MYO18B: variants seen among roughly 807,000 people sequenced by gnomAD.
MYO18B encodes unconventional myosin-XVIIIb.
A neutral mutation model predicts 273.0 loss-of-function variants in MYO18B; 204 were observed. That is an observed-to-expected ratio of 0.75 (90% CI 0.67 to 0.84). The LOEUF is 0.84. Ranked by LOEUF, MYO18B falls within the 40% of genes least tolerant of loss-of-function variation. MYO18B has a pLI of 0.00. For synonymous variants in MYO18B, 1,330 were observed against 1,305.7 expected (o/e 1.02, Z -0.40); for missense variants, 3,212 against 3,287.6 (o/e 0.98, Z 0.56).
intron 8 of MYO18B, 85 bp downstream of exon 8, chr22:25,777,866 A>C: frequency 7.5e-7 from 1 of 1,335,082 alleles, no homozygotes; most frequent in East Asian, 2.4e-5. Context: ...TCTTATATTC[A>C]TTCAGCTAGC....
At chr22:25,800,868 T>C (rs948816983) in intron 12 of MYO18B, among the ~76,000 whole-genome samples, 8 of 152,236 alleles carry the variant, frequency 5.3e-5, no homozygotes, top group African/African-American at 1.9e-4. Context: ...AAGTCACTTT[T>C]ATAAATATTT....
the MYO18B span, among the ~76,000 whole-genome samples, chr22:26,058,870 G>T: frequency 3.9e-5 from 6 of 152,042 alleles, no homozygotes; most frequent in Admixed American, 3.9e-4. Flanking sequence ...TTATAATTAC[G>T]CAGCCTCAGG....
At chr22:25,971,039 G>C (rs1360958756) in intron 39 of MYO18B, among the ~76,000 whole-genome samples, 1 of 152,246 alleles carries the variant, frequency 6.6e-6, no homozygotes, top group East Asian at 1.9e-4. Context: ...AGTATTTTCT[G>C]TAGAGGGACA....
chr22:25,842,229 C>T (rs937315875), intron 17 of MYO18B, among the ~76,000 whole-genome samples: 1 of 152,206 alleles, frequency 6.6e-6, no homozygotes, highest in Non-Finnish European at 1.5e-5. Flanking sequence ...TCCTAGCTTA[C>T]TGGAGTTTAG....
At chr22:25,949,543 C>A (rs2092767357) in intron 36 of MYO18B, among the ~76,000 whole-genome samples, 1 of 152,206 alleles carries the variant, frequency 6.6e-6, no homozygotes, top group Admixed American at 6.5e-5. Flanking sequence ...GGGTAAAATA[C>A]CTGCCACGCT....
At chr22:25,843,416 A>T (rs909587549) in intron 17 of MYO18B, among the ~76,000 whole-genome samples, 7 of 152,220 alleles carry the variant, frequency 4.6e-5, no homozygotes, top group Non-Finnish European at 1.0e-4. Context: ...ATGTAAGTCG[A>T]TTTAAAGAAA....
intron 1 of MYO18B, among the ~76,000 whole-genome samples, chr22:25,744,185 A>G (rs1372240940): frequency 1.3e-5 from 2 of 152,206 alleles, no homozygotes; most frequent in East Asian, 1.9e-4. Flanking sequence ...TAACTATCGC[A>G]AAGATTTTAT....
chr22:25,806,373 C>T (rs2088478472), intron 12 of MYO18B, among the ~76,000 whole-genome samples: 1 of 152,154 alleles, frequency 6.6e-6, no homozygotes, highest in South Asian at 2.1e-4. Flanking sequence ...CAGTTTATTA[C>T]AGATTTGTCT....
intron 1 of MYO18B, among the ~76,000 whole-genome samples, chr22:25,755,444 G>A (rs962141751): frequency 1.3e-5 from 2 of 152,218 alleles, no homozygotes; most frequent in African/African-American, 4.8e-5. Context: ...GACCTCAGGT[G>A]ATCCGCCTGC....
chr22:26,060,723 T>C, the MYO18B span, among the ~76,000 whole-genome samples: 1 of 151,788 alleles, frequency 6.6e-6, no homozygotes, highest in African/African-American at 2.4e-5. Flanking sequence ...CACATACATA[T>C]ACACATGCAC....
At chr22:25,802,155 C>T (rs763908234) in intron 12 of MYO18B, among the ~76,000 whole-genome samples, 1 of 152,210 alleles carries the variant, frequency 6.6e-6, no homozygotes. Flanking sequence ...CTCATGACCC[C>T]CTTCTCTTGT....
intron 40 of MYO18B, among the ~76,000 whole-genome samples, chr22:25,995,969 G>A (rs1487750549): frequency 6.6e-6 from 1 of 152,150 alleles, no homozygotes; most frequent in African/African-American, 2.4e-5. Flanking sequence ...GGTGTGACAC[G>A]ACTACAGAAA....
rs552996345 is a variant in MYO18B, at chr22:25,784,034, T to C, written c.2313-1394T>C. On this transcript the variant is annotated intron_variant, in intron 10 of 43. Coordinates refer to ENST00000335473, the MANE Select transcript of MYO18B (RefSeq NM_032608.7). ...CATGCACTCATGTGGGAAACTCCTA[T>C]TCATCCTTCAAAACCCTACTCCAGA... Among the ~76,000 whole-genome samples the C allele has an allele frequency of 6.6e-5, 10 of 152,360 alleles. No homozygotes were observed. In the East Asian group the frequency reaches 1.7e-3, roughly 26 times the overall value.
chr22:25,967,566 C>T (rs1007289443), intron 39 of MYO18B, among the ~76,000 whole-genome samples: 1 of 152,058 alleles, frequency 6.6e-6, no homozygotes, highest in African/African-American at 2.4e-5. Context: ...ATCGACCAAG[C>T]AGTTGGGAAG....
intron 27 of MYO18B, among the ~76,000 whole-genome samples, chr22:25,893,992 C>T (rs2091734152): frequency 6.6e-6 from 1 of 152,164 alleles, no homozygotes; most frequent in African/African-American, 2.4e-5. Flanking sequence ...TCCATTAATC[C>T]TCCACCCTAT....
chr22:25,850,803 G>T (rs1409467644), intron 20 of MYO18B, among the ~76,000 whole-genome samples: 2 of 152,068 alleles, frequency 1.3e-5, no homozygotes, highest in Non-Finnish European at 2.9e-5. Flanking sequence ...CCTGTTCTAG[G>T]TCTTGTCTGT....
rs570183446 is a variant in MYO18B, at chr22:25,934,434, C to G, written c.5518-11703C>G. On this transcript the variant is annotated intron_variant, in intron 34 of 43. Transcript: ENST00000335473. ...GTGGTGCAGGATGATGGAAAGTCTACCTCCATGGCCAAGACTCTGTGAACC... is the reference window on the plus strand; with the variant it reads ...GTGGTGCAGGATGATGGAAAGTCTAGCTCCATGGCCAAGACTCTGTGAACC... 2.0e-5 allele frequency among the ~76,000 whole-genome samples: 3 copies of G among 152,186 alleles called. No individual in the cohort carries two copies. The East Asian group carries it at 5.8e-4, about 29-fold the overall frequency.
intron 20 of MYO18B, among the ~76,000 whole-genome samples, chr22:25,850,718 C>T (rs563321396): frequency 6.8e-4 from 104 of 152,212 alleles, no homozygotes; most frequent in African/African-American, 2.1e-3. Flanking sequence ...ACTACAGGAA[C>T]GCACCACCAC....
At chr22:25,886,075 G>A (rs531033788) in intron 25 of MYO18B, among the ~76,000 whole-genome samples, 5 of 152,192 alleles carry the variant, frequency 3.3e-5, no homozygotes, top group African/African-American at 9.7e-5. Flanking sequence ...GGTGTCCTTC[G>A]GTGAGCGTTT....
Sources: allele counts gnomAD v4.1 joint callset (sites outside exome capture counted in the v4.1 genomes callset), GRCh38; gene constraint gnomAD v4.1.1; transcripts MANE v1.5; gene names NCBI Gene and HGNC (gene_info 2026-07-23, HGNC 2026-07-21).